Variants in DDX4 observed in about 807,000 individuals in gnomAD.
The protein encoded by DDX4 is probable ATP-dependent RNA helicase DDX4.
In DDX4, 25 loss-of-function variants were observed where a neutral mutation model predicts 100.0. The observed-to-expected ratio is 0.25, with a 90% confidence interval of 0.18 to 0.35. The LOEUF is 0.35. Among genes scored for constraint, DDX4 ranks in the 10% least tolerant of loss-of-function variants. The pLI is 1.00. For synonymous variants in DDX4, 259 were observed against 275.7 expected (o/e 0.94, Z 0.60); for missense variants, 635 against 882.4 (o/e 0.72, Z 3.55).
intron 18 of DDX4, among the ~76,000 whole-genome samples, chr5:55,803,886 C>G (rs1330580543): frequency 1.3e-5 from 2 of 152,114 alleles, no homozygotes; most frequent in Non-Finnish European, 2.9e-5. Flanking sequence ...GTTCTAGATC[C>G]CTGAGGAATC....
At chr5:55,746,265 G>T (rs777812202) in intron 3 of DDX4, 44 bp downstream of exon 3, 277 of 1,534,210 alleles carry the variant, frequency 1.8e-4, no homozygotes, top group Admixed American at 3.1e-4. Flanking sequence ...TAGTTTAAGG[G>T]TTTCATCTAG....
At position 55,777,602 on chromosome 5, in the gene DDX4, G is replaced by A. The variant is rs545885389; in HGVS notation, c.395-2362G>A. 3.3e-5 allele frequency: 5 copies of A among 152,440 alleles called. No individual in the cohort carries two copies. The East Asian group carries it at 9.6e-4, about 29-fold the overall frequency. 9.4% of individuals were successfully genotyped at this position (152,440 alleles called of 1,614,324 possible). ...TGCTGTAGGTGTCGGGGGAGGGCAG[G>A]TGGGGGAAGAGAGCATTAGGGAAAA... On this transcript the variant is annotated intron_variant, in intron 7 of 21. Coordinates refer to ENST00000505374, the MANE Select transcript of DDX4 (RefSeq NM_024415.3).
intron 10 of DDX4, 127 bp from the exon 11 acceptor site, chr5:55,785,170 T>C (rs12659227): frequency 0.13 from 90,609 of 699,476 alleles, 6,026 homozygotes; most frequent in Middle Eastern, 0.15. Context: ...TTTAATTGTT[T>C]CAAGTATTTG....
intron 4 of DDX4, among the ~76,000 whole-genome samples, chr5:55,761,388 A>G (rs1364427080): frequency 6.6e-6 from 1 of 152,108 alleles, no homozygotes; most frequent in Non-Finnish European, 1.5e-5. Flanking sequence ...TCTAAATATT[A>G]TTGAATAAAA....
chr5:55,760,076 T>G, intron 3 of DDX4, 124 bp from the exon 4 acceptor site: 1 of 963,584 alleles, frequency 1.0e-6, no homozygotes, highest in South Asian at 1.9e-5. Flanking sequence ...ACTGGGCTGT[T>G]TGTCACCTTT....
rs140960687 is a variant in DDX4, at chr5:55,807,539, A to G, written c.1616-6134A>G. 9.2e-3 allele frequency among the ~76,000 whole-genome samples: 1,408 copies of G among 152,226 alleles called. 23 individuals are homozygous for G. The highest frequency in any genetic ancestry group is 0.032 in the African/African-American group (1,329 of 41,516). ...CCTGGTGGTGACAAAATGTCTCAGC[A>G]TTTGCTTGTCTGTAAAGTATTTTAT... On this transcript the variant is annotated intron_variant, in intron 18 of 21. Coordinates refer to ENST00000505374, the MANE Select transcript of DDX4 (RefSeq NM_024415.3).
At chr5:55,793,786 A>G (rs1200096283) in intron 17 of DDX4, among the ~76,000 whole-genome samples, 1 of 152,214 alleles carries the variant, frequency 6.6e-6, no homozygotes, top group Non-Finnish European at 1.5e-5. Flanking sequence ...GTTGCCTCCA[A>G]ACTCACCCTT....
chr5:55,816,434 C>CTTT (rs71602915), intron 21 of DDX4, 29 bp from the exon 22 acceptor site: 1,547 of 1,440,166 alleles, frequency 1.1e-3, no homozygotes, highest in Middle Eastern at 1.3e-3. Context: ...TTGTTTGTTT[C>CTTT]TTTTTTTTTT....
rs1744452628 is a variant in DDX4, at chr5:55,816,945, T to C, written c.*405T>C. 6.2e-6 allele frequency: 1 copy of C among 161,140 alleles called. No individual in the cohort carries two copies. The highest frequency in any genetic ancestry group is 2.4e-5 in the African/African-American group (1 of 41,618). 10.0% of individuals were successfully genotyped at this position (161,140 alleles called of 1,614,324 possible). A position where few individuals can be genotyped will look rare whatever the true frequency, so the allele number is the denominator to read the frequency against. ...TTTACTTGAGTCTTTAAAACAGTAG[T>C]GTGTCACTATAATGTGATAATCTTT... On this transcript the variant is annotated 3_prime_UTR_variant, in exon 22 of 22. Transcript: ENST00000505374.
chr5:55,760,372 G>T (rs144189622), intron 4 of DDX4, 95 bp downstream of exon 4: 136 of 1,270,358 alleles, frequency 1.1e-4, no homozygotes, highest in Non-Finnish European at 3.2e-6. Context: ...TAAGTCTGTT[G>T]TAAGTCAGTG....
chr5:55,757,702 G>T (rs564619351), intron 3 of DDX4, among the ~76,000 whole-genome samples: 27 of 152,150 alleles, frequency 1.8e-4, no homozygotes, highest in Admixed American at 5.9e-4. Context: ...CTGTATTGAA[G>T]TCTTATGTAA....
rs572547236 is a variant in DDX4 at position 55,815,166 on chromosome 5, A to G, written c.1981A>G (p.Thr661Ala). Residue 661 changes from threonine (T) to alanine (A), a missense_variant, in exon 20 of 22, where the codon ACA (threonine) becomes GCA (alanine). Around this residue, in one of 4 missense-constraint regions of DDX4, gnomAD observed 73 missense variants for 98.5 expected, o/e 0.74. Coordinates refer to ENST00000505374, the MANE Select transcript of DDX4 (RefSeq NM_024415.3). ...AGCACAGCCTCTAGTAAAAGTATTG[A>G]CAGATGTAAGTTAAACTTTTATGAT... ...HLAQPLVKVLTDAQQDVPAWL... is the reference protein window; with the variant it reads ...HLAQPLVKVLADAQQDVPAWL... 8.1e-6 allele frequency: 13 copies of G among 1,613,666 alleles called. No homozygotes were observed. The East Asian group carries it at 2.9e-4, about 36-fold the overall frequency.
intron 18 of DDX4, among the ~76,000 whole-genome samples, chr5:55,812,645 T>G (rs571982274): frequency 1.3e-4 from 20 of 152,328 alleles, no homozygotes; most frequent in Admixed American, 5.9e-4. Flanking sequence ...TCACTCTTCC[T>G]TAAGCTCTTT....
intron 17 of DDX4, among the ~76,000 whole-genome samples, chr5:55,793,064 G>GGGT (rs1416028932): frequency 1.3e-5 from 2 of 149,654 alleles, no homozygotes; most frequent in Admixed American, 1.3e-4. Flanking sequence ...GTTTGTGTGT[G>GGGT]TTGTTGTTGT....
chr5:55,758,464 T>C (rs950263346), intron 3 of DDX4, among the ~76,000 whole-genome samples: 1 of 152,082 alleles, frequency 6.6e-6, no homozygotes, highest in African/African-American at 2.4e-5. Flanking sequence ...TGTATGACAG[T>C]TGAATTATTT....
intron 7 of DDX4, 48 bp downstream of exon 7, chr5:55,767,988 A>C: frequency 1.3e-6 from 2 of 1,496,138 alleles, no homozygotes; most frequent in Non-Finnish European, 1.9e-6. Context: ...AGAGACACTA[A>C]ACTGGTAAAA....
rs561427433 is a variant in DDX4, at chr5:55,808,511, A to G, written c.1616-5162A>G. ...TGGGGTTTTGGTGTGGATGTCCTTT[A>G]TGTTTGTTAGTTTTCCTTCTAACAG... On this transcript the variant is annotated intron_variant, in intron 18 of 21. Transcript: ENST00000505374. Among the ~76,000 whole-genome samples, 19 of 151,978 alleles carry G rather than the reference A, an allele frequency of 1.3e-4. No homozygotes were observed. In the South Asian group the frequency reaches 2.9e-3, roughly 23 times the overall value.
chr5:55,778,415 A>G (rs1322231438), intron 7 of DDX4, among the ~76,000 whole-genome samples: 1 of 152,240 alleles, frequency 6.6e-6, no homozygotes, highest in Non-Finnish European at 1.5e-5. Context: ...TAGATTAAAA[A>G]TAGTTTAAAT....
At chr5:55,813,140 C>T (rs1744209716) in intron 18 of DDX4, among the ~76,000 whole-genome samples, 1 of 151,804 alleles carries the variant, frequency 6.6e-6, no homozygotes, top group Non-Finnish European at 1.5e-5. Flanking sequence ...ATAAGGTTGT[C>T]ATTTAATTTT....
Sources: gnomAD v4.1 joint callset for allele counts (sites outside exome capture counted in the v4.1 genomes callset) on GRCh38, gnomAD v4.1.1 for gene constraint, gnomAD v4.1.1 regional missense constraint, MANE v1.5 for transcripts, NCBI Gene and HGNC (gene_info 2026-07-23, HGNC 2026-07-21) for gene names.